Variants in ADAMTSL1 observed in about 807,000 individuals in gnomAD.
ADAMTSL1 encodes ADAMTS like 1.
A neutral mutation model predicts 201.8 loss-of-function variants in ADAMTSL1; 126 were observed. That is an observed-to-expected ratio of 0.62 (90% CI 0.54 to 0.72). The LOEUF is 0.72. Among genes scored for constraint, ADAMTSL1 ranks in the 30% least tolerant of loss-of-function variants. The pLI is 0.00. For synonymous variants in ADAMTSL1, 1,121 were observed against 903.4 expected, an observed-to-expected ratio of 1.24 and a Z score of -4.32; for missense variants, 2,679 against 2,277.8, an observed-to-expected ratio of 1.18 and a Z score of -3.59.
At chr9:18,159,289 A>C (rs2132076024) in intron 1 of ADAMTSL1, among the ~76,000 whole-genome samples, 1 of 152,174 alleles carries the variant, frequency 6.6e-6, no homozygotes, top group South Asian at 2.1e-4. Flanking sequence ...ACTCTTCCTA[A>C]GTAATGTTGA....
intron 2 of ADAMTSL1, among the ~76,000 whole-genome samples, chr9:18,325,524 A>T (rs951205927): frequency 1.3e-4 from 20 of 152,240 alleles, no homozygotes; most frequent in Non-Finnish European, 2.6e-4. Flanking sequence ...TAGGATATAT[A>T]TTAGTCTGTT....
At chr9:18,551,137 A>G (rs1313370373) in intron 3 of ADAMTSL1, among the ~76,000 whole-genome samples, 4 of 151,880 alleles carry the variant, frequency 2.6e-5, no homozygotes, top group Non-Finnish European at 5.9e-5. Flanking sequence ...AAAGTTTTCC[A>G]AAGTGGTGGT....
At chr9:18,254,416 A>G (rs540514468) in intron 2 of ADAMTSL1, among the ~76,000 whole-genome samples, 155 of 115,230 alleles carry the variant, frequency 1.3e-3, no homozygotes, top group Middle Eastern at 6.9e-3. Flanking sequence ...AGGCTGGAGT[A>G]CAGTGGCGCG....
chr9:18,682,855 A>G (rs1016483116), intron 12 of ADAMTSL1, among the ~76,000 whole-genome samples: 9 of 152,204 alleles, frequency 5.9e-5, no homozygotes, highest in Non-Finnish European at 1.0e-4. Context: ...AAAAAAAAAC[A>G]GAAATCCTGA....
At chr9:18,307,835 C>T (rs1038420556) in intron 2 of ADAMTSL1, among the ~76,000 whole-genome samples, 1 of 152,110 alleles carries the variant, frequency 6.6e-6, no homozygotes, top group African/African-American at 2.4e-5. Context: ...CAGCTCTGGA[C>T]CAAGTGGACC....
chr9:18,139,176 T>G (rs535969945), intron 1 of ADAMTSL1, among the ~76,000 whole-genome samples: 3 of 152,316 alleles, frequency 2.0e-5, no homozygotes, highest in Admixed American at 6.5e-5. Context: ...TGATTCTAAA[T>G]GCAGTGTTGA....
chr9:18,722,575 C>T (rs1564182480), intron 15 of ADAMTSL1, among the ~76,000 whole-genome samples: 1 of 152,124 alleles, frequency 6.6e-6, no homozygotes, highest in African/African-American at 2.4e-5. Context: ...TATTATTTCC[C>T]AGCTGGCTAG....
At chr9:18,385,444 C>A (rs897098564) in intron 2 of ADAMTSL1, among the ~76,000 whole-genome samples, 1 of 152,182 alleles carries the variant, frequency 6.6e-6, no homozygotes, top group Non-Finnish European at 1.5e-5. Flanking sequence ...TAAAAGATTT[C>A]TCTTACTTTC....
At chr9:17,967,654 C>G (rs892600713) in intron 1 of ADAMTSL1, among the ~76,000 whole-genome samples, 2 of 152,048 alleles carry the variant, frequency 1.3e-5, no homozygotes, top group African/African-American at 2.4e-5. Context: ...CCTACTTTAT[C>G]TGATTTAGTT....
chr9:18,362,433 G>T (rs757849602), intron 2 of ADAMTSL1, among the ~76,000 whole-genome samples: 11 of 152,144 alleles, frequency 7.2e-5, no homozygotes, highest in Admixed American at 1.3e-4. Flanking sequence ...ACTTTCCATG[G>T]TCCATTCTTC....
At chr9:18,154,115 A>G (rs1292706344) in intron 1 of ADAMTSL1, among the ~76,000 whole-genome samples, 1 of 152,032 alleles carries the variant, frequency 6.6e-6, no homozygotes, top group African/African-American at 2.4e-5. Context: ...TGGATAACCT[A>G]GAAAGAAAAG....
At chr9:18,880,959 A>C (rs570718269) in intron 23 of ADAMTSL1, among the ~76,000 whole-genome samples, 1 of 152,266 alleles carries the variant, frequency 6.6e-6, no homozygotes, top group East Asian at 1.9e-4. Context: ...TGTAAGAGAG[A>C]CTGTTTCTTT....
intron 1 of ADAMTSL1, among the ~76,000 whole-genome samples, chr9:17,966,312 C>G (rs1293515610): frequency 1.3e-5 from 2 of 152,032 alleles, no homozygotes; most frequent in African/African-American, 2.4e-5. Context: ...CTTTTTTTAA[C>G]TTTTTACTGT....
In ADAMTSL1 at chr9:18,130,590, A is replaced by G. The variant is rs531141326; in HGVS notation, c.88-33272A>G. 6.6e-5 allele frequency among the ~76,000 whole-genome samples: 10 copies of G among 152,276 alleles called. 1 individual carries two copies. The highest frequency in any genetic ancestry group is 2.2e-4 in the African/African-American group (9 of 41,562). ...GTAAGTTCATAATTTATCTTTACAGAGAGAAGCTAGCAGGTTTTTAAAAGA... is the reference window on the plus strand; with the variant it reads ...GTAAGTTCATAATTTATCTTTACAGGGAGAAGCTAGCAGGTTTTTAAAAGA... On this transcript the variant is annotated intron_variant, in intron 1 of 29. Transcript: ENST00000680146.
chr9:17,923,835 G>C (rs201945894), intron 1 of ADAMTSL1, among the ~76,000 whole-genome samples: 1 of 131,738 alleles, frequency 7.6e-6, no homozygotes, highest in Non-Finnish European at 1.6e-5. Flanking sequence ...TTAGCATGAA[G>C]GGTTGTTGAA....
At chr9:17,994,408 GAC>G (rs1819290875) in intron 1 of ADAMTSL1, among the ~76,000 whole-genome samples, 1 of 152,068 alleles carries the variant, frequency 6.6e-6, no homozygotes, top group African/African-American at 2.4e-5. Context: ...GTCATTTAAA[GAC>G]ACACTGATGA....
chr9:18,303,789 T>A (rs1445720117), intron 2 of ADAMTSL1, among the ~76,000 whole-genome samples: 1 of 152,092 alleles, frequency 6.6e-6, no homozygotes, highest in Non-Finnish European at 1.5e-5. Context: ...GATTTAGCAG[T>A]GATATTTTTC....
At chr9:18,527,935 TG>T (rs1819192086) in intron 2 of ADAMTSL1, among the ~76,000 whole-genome samples, 1 of 152,136 alleles carries the variant, frequency 6.6e-6, no homozygotes, top group African/African-American at 2.4e-5. Context: ...TGGAATGCAA[TG>T]GTACAATCTC....
chr9:18,520,490 A>ATAT (rs1250092167), intron 2 of ADAMTSL1, among the ~76,000 whole-genome samples: 11 of 152,246 alleles, frequency 7.2e-5, no homozygotes. Context: ...CCAAAGAAAC[A>ATAT]CTTTTAAGTC....
Sources: allele counts gnomAD v4.1 joint callset (sites outside exome capture counted in the v4.1 genomes callset), GRCh38; gene constraint gnomAD v4.1.1; transcripts MANE v1.5; gene names NCBI Gene and HGNC (gene_info 2026-07-23, HGNC 2026-07-21).